The following KHDRBS3 variants were observed in gnomAD, a reference collection of about 807,000 sequenced individuals.
KHDRBS3 encodes the protein KH domain-containing, RNA-binding, signal transduction-associated protein 3.
A neutral mutation model predicts 45.6 loss-of-function variants in KHDRBS3; 23 were observed. That is an observed-to-expected ratio of 0.50 (90% CI 0.36 to 0.72). The LOEUF is 0.72. KHDRBS3 is among the 30% of genes least tolerant of loss of function. The pLI is 0.00. For synonymous variants in KHDRBS3, 162 were observed against 156.5 expected, an observed-to-expected ratio of 1.04 and a Z score of -0.26; for missense variants, 352 against 424.8, an observed-to-expected ratio of 0.83 and a Z score of 1.51.
intron 5 of KHDRBS3, among the ~76,000 whole-genome samples, chr8:135,581,000 C>T (rs1467993123): frequency 6.6e-6 from 1 of 152,110 alleles, no homozygotes; most frequent in African/African-American, 2.4e-5. Context: ...TCAGTCTTTT[C>T]AAAGTCCAGC....
At chr8:135,513,720 G>A (rs1442907350) in intron 1 of KHDRBS3, among the ~76,000 whole-genome samples, 1 of 152,108 alleles carries the variant, frequency 6.6e-6, no homozygotes, top group African/African-American at 2.4e-5. Flanking sequence ...GGGGGCCAGA[G>A]TACCAATTTT....
At chr8:135,630,570 T>A (rs1830555182) in intron 7 of KHDRBS3, among the ~76,000 whole-genome samples, 1 of 151,764 alleles carries the variant, frequency 6.6e-6, no homozygotes, top group Non-Finnish European at 1.5e-5. Flanking sequence ...AATTTCATCA[T>A]TAGGGGAACA....
At chr8:135,572,400 T>G (rs547072771) in intron 5 of KHDRBS3, among the ~76,000 whole-genome samples, 10 of 152,360 alleles carry the variant, frequency 6.6e-5, no homozygotes, top group African/African-American at 2.2e-4. Flanking sequence ...AAATTGTATC[T>G]TGTAAAGTGC....
intron 3 of KHDRBS3, among the ~76,000 whole-genome samples, chr8:135,548,209 A>G (rs1185345741): frequency 6.6e-6 from 1 of 152,194 alleles, no homozygotes; most frequent in Non-Finnish European, 1.5e-5. Context: ...CTAGACATGG[A>G]AAATGCATCA....
Position 135,542,635 on chromosome 8 carries a change from G to T in KHDRBS3, c.208-19G>T, listed in dbSNP as rs762415081. 5.5e-5 allele frequency: 81 copies of T among 1,481,110 alleles called. No individual in the cohort carries two copies. The highest frequency in any genetic ancestry group is 7.5e-5 in the Non-Finnish European group (79 of 1,059,922). The allele number at this position is 1,481,110 out of a possible 1,614,324, so 91.7% of individuals were successfully genotyped here. A position where few individuals can be genotyped will look rare whatever the true frequency, so the allele number is the denominator to read the frequency against. ...TTTCACATATAAATGCTACAAATTT[G>T]GTTGTTTATTTTTCCTAGTTCAACT... On this transcript the variant is annotated intron_variant, in intron 2 of 8. Transcript: ENST00000355849.
chr8:135,573,956 T>C (rs1358833220), intron 5 of KHDRBS3, among the ~76,000 whole-genome samples: 1 of 152,234 alleles, frequency 6.6e-6, no homozygotes, highest in African/African-American at 2.4e-5. Context: ...ACTCAGTTTG[T>C]GGTACCCTAT....
At chr8:135,580,968 G>A (rs1181425401) in intron 5 of KHDRBS3, among the ~76,000 whole-genome samples, 1 of 152,098 alleles carries the variant, frequency 6.6e-6, no homozygotes, top group African/African-American at 2.4e-5. Flanking sequence ...TCTTTAGCCT[G>A]TCTAGAGGTT....
downstream of KHDRBS3, among the ~76,000 whole-genome samples, chr8:135,652,472 G>A (rs1386314822): frequency 1.3e-5 from 2 of 152,216 alleles, no homozygotes; most frequent in Admixed American, 6.5e-5. Flanking sequence ...CCAGCCGCCT[G>A]GAGCACAGCA....
chr8:135,647,870 T>C (rs2131213379), downstream of KHDRBS3: 1 of 152,354 alleles, frequency 6.6e-6, no homozygotes, highest in East Asian at 1.9e-4. Context: ...AACCAAATCT[T>C]GTTTAAAAAC....
intron 6 of KHDRBS3, among the ~76,000 whole-genome samples, chr8:135,589,744 G>A (rs961663409): frequency 8.5e-5 from 13 of 152,132 alleles, no homozygotes; most frequent in South Asian, 8.3e-4. Flanking sequence ...TTGTTTTATC[G>A]TAGTATACCC....
intron 2 of KHDRBS3, among the ~76,000 whole-genome samples, chr8:135,524,640 A>C (rs2130673623): frequency 6.6e-6 from 1 of 150,548 alleles, no homozygotes; most frequent in African/African-American, 2.4e-5. Context: ...TTCTTTTGAG[A>C]TTTCAGTTAC....
chr8:135,482,971 G>A (rs1191792949), intron 1 of KHDRBS3, among the ~76,000 whole-genome samples: 1 of 152,142 alleles, frequency 6.6e-6, no homozygotes, highest in Non-Finnish European at 1.5e-5. Context: ...GAACATCTAG[G>A]AAAGAACGAT....
At chr8:135,461,623 AC>A (rs1444208202) in intron 1 of KHDRBS3, among the ~76,000 whole-genome samples, 2 of 152,224 alleles carry the variant, frequency 1.3e-5, no homozygotes, top group African/African-American at 4.8e-5. Context: ...TTACTAAAAA[AC>A]ATCTTTAGAA....
chr8:135,601,067 T>G (rs1829190152), intron 6 of KHDRBS3, among the ~76,000 whole-genome samples: 1 of 152,222 alleles, frequency 6.6e-6, no homozygotes, highest in African/African-American at 2.4e-5. Flanking sequence ...TTTGATCATC[T>G]GATGAATGGC....
intron 1 of KHDRBS3, among the ~76,000 whole-genome samples, chr8:135,481,116 T>C (rs1822543390): frequency 6.6e-6 from 1 of 151,730 alleles, no homozygotes; most frequent in Non-Finnish European, 1.5e-5. Context: ...TGTTTTAGGA[T>C]GGTATTCACT....
intron 7 of KHDRBS3, among the ~76,000 whole-genome samples, chr8:135,640,491 G>A (rs1041029883): frequency 6.6e-6 from 1 of 152,190 alleles, no homozygotes; most frequent in Non-Finnish European, 1.5e-5. Flanking sequence ...CTTGGTCTCA[G>A]TGCTATGATT....
At chr8:135,544,542 G>A (rs1250885444) in intron 3 of KHDRBS3, among the ~76,000 whole-genome samples, 1 of 152,150 alleles carries the variant, frequency 6.6e-6, no homozygotes, top group Non-Finnish European at 1.5e-5. Flanking sequence ...GGGAGTCGGT[G>A]TTATGAAGTA....
intron 1 of KHDRBS3, among the ~76,000 whole-genome samples, chr8:135,510,787 A>G (rs1824243961): frequency 6.6e-6 from 1 of 152,020 alleles, no homozygotes; most frequent in Non-Finnish European, 1.5e-5. Flanking sequence ...GTGGTTTCTC[A>G]TTGGTTAAGC....
chr8:135,508,458 A>G (rs1824116630), intron 1 of KHDRBS3, among the ~76,000 whole-genome samples: 1 of 152,060 alleles, frequency 6.6e-6, no homozygotes, highest in Non-Finnish European at 1.5e-5. Flanking sequence ...TAATCATAAA[A>G]CCTTTTTTAA....
Sources: allele counts gnomAD v4.1 joint callset (sites outside exome capture counted in the v4.1 genomes callset), GRCh38; gene constraint gnomAD v4.1.1; transcripts MANE v1.5; gene names NCBI Gene and HGNC (gene_info 2026-07-23, HGNC 2026-07-21).